The following ZNF217 variants were observed in gnomAD, a reference collection of about 807,000 sequenced individuals.
ZNF217 encodes the protein zinc finger protein 217.
ZNF217 carries 12 observed loss-of-function variants against 73.3 expected under a neutral mutation model. That is an observed-to-expected ratio of 0.16 (90% confidence interval 0.10 to 0.27). The LOEUF (loss-of-function observed/expected upper bound fraction) is 0.27. Among genes scored for constraint, ZNF217 ranks in the 10% least tolerant of loss-of-function variants. The probability of loss-of-function intolerance (pLI) is 1.00; values close to 1 mark genes in which losing one functional copy is unlikely to be tolerated. For missense variants in ZNF217, 1,195 were observed against 1,327.8 expected, an observed-to-expected ratio of 0.90 and a Z score of 1.55; for synonymous variants, 588 against 516.4, an observed-to-expected ratio of 1.14 and a Z score of -1.88.
At position 53,576,645 on chromosome 20, in the gene ZNF217, T is replaced by C; in HGVS notation, c.2119A>G (p.Ile707Val). The change falls in exon 4 of 6, where the codon ATT (isoleucine) becomes GTT (valine). Residue 707 changes from isoleucine (I) to valine (V), a missense_variant. Around this residue, in one of 9 missense-constraint regions of ZNF217, gnomAD observed 649 missense variants for 642.8 expected, o/e 1.01. Coordinates refer to ENST00000371471, the MANE Select transcript of ZNF217 (RefSeq NM_006526.3). ...CPAISLSKSL[I>V]PSITCPFCTF... is the part of the protein sequence containing the mutation. ...CAAAATGGACAGGTGATACTTGGAA[T>C]CAAACTTTTACTCAAAGAAATTGCC... 1 of 1,614,256 alleles carries C rather than the reference T, an allele frequency of 6.2e-7. No homozygotes were observed. The highest frequency in any genetic ancestry group is 1.7e-5 in the Admixed American group (1 of 60,032).
chr20:53,582,209 G>A lies in ZNF217; in HGVS notation c.618C>T (p.His206=), dbSNP rs1219230289. The part of the protein sequence containing the change: ...PATINEVVQV[H]AAESISSPYK... ...AAGGAGAGGAGATGCTCTCGGCCGC[G>A]TGCACCTGGACGACCTCGTTGATCG... The change falls in exon 2 of 6, where the codon CAC becomes CAT. Residue 206 remains histidine, a synonymous_variant. Transcript: ENST00000371471. The surrounding 1 kb of genome is among the most constrained non-coding windows in gnomAD (Gnocchi z 4.8). 3.7e-6 allele frequency: 6 copies of A among 1,613,944 alleles called. No individual in the cohort carries two copies. Among genetic ancestry groups the A allele is most frequent in the Non-Finnish European group, 5.1e-6 (6 of 1,180,054 alleles).
Position 53,569,092 on chromosome 20 carries a change from G to A in ZNF217, c.*196C>T. On this transcript the variant is annotated 3_prime_UTR_variant, in exon 6 of 6. Transcript: ENST00000371471. ...TTCCAACTAGTTTGTATTGCTATTT[G>A]GTACAAAAGTTAACAGAACAACTTT... 1 of 1,256,486 alleles carries A rather than the reference G, an allele frequency of 8.0e-7. No homozygotes were observed. The highest frequency in any genetic ancestry group is 1.0e-6 in the Non-Finnish European group (1 of 967,782). The allele number at this position is 1,256,486 out of a possible 1,614,324, so 77.8% of individuals were successfully genotyped here.
intron 1 of ZNF217, among the ~76,000 whole-genome samples, chr20:53,592,605 T>A (rs1261356648): frequency 1.4e-5 from 2 of 138,324 alleles, no homozygotes; most frequent in Non-Finnish European, 3.1e-5. Context: ...CCTGAACATC[T>A]TCTCAAACTC....
chr20:53,579,159 T>G (rs1160165497), intron 2 of ZNF217, among the ~76,000 whole-genome samples: 1 of 152,172 alleles, frequency 6.6e-6, no homozygotes, highest in Non-Finnish European at 1.5e-5. Context: ...GGACAATGTG[T>G]CTCACGTGCA....
At chr20:53,597,083 C>CA (rs11483077), upstream of ZNF217, among the ~76,000 whole-genome samples, 91,798 of 120,728 alleles carry the variant, frequency 0.76, 32,781 homozygotes, top group East Asian at 0.86. Flanking sequence ...AGTAACATAA[C>CA]AAAAAAAAAA....
At chr20:53,588,181 T>C (rs1988760387) in intron 1 of ZNF217, among the ~76,000 whole-genome samples, 1 of 152,068 alleles carries the variant, frequency 6.6e-6, no homozygotes, top group East Asian at 1.9e-4. Flanking sequence ...ATATAGCATA[T>C]TTGAGTGTCA....
At position 53,590,794 on chromosome 20, in the gene ZNF217, T is replaced by C. The variant is rs565663499; in HGVS notation, c.-343+2962A>G. On this transcript the variant is annotated intron_variant, in intron 1 of 5. Coordinates refer to ENST00000371471, the MANE Select transcript of ZNF217 (RefSeq NM_006526.3). ...TTAGCATGTATCTGCAATGAGGAGA[T>C]AGAAGGACTTAGTCATTGCCAGGCC... Among the ~76,000 whole-genome samples, 25 of 152,318 alleles carry C rather than the reference T, an allele frequency of 1.6e-4. No individual in the cohort carries two copies. In the East Asian group the frequency reaches 3.7e-3, roughly 22 times the overall value.
rs139374346 is a variant in ZNF217, at chr20:53,571,860, G to GA, written c.3038-8dup. 185,041 of 1,381,362 alleles carry GA rather than the reference G, an allele frequency of 0.13. 6,815 individuals are homozygous for GA. The highest frequency in any genetic ancestry group is 0.15 in the Non-Finnish European group (156,354 of 1,031,076). 85.6% of individuals were successfully genotyped at this position (1,381,362 alleles called of 1,614,324 possible). ...TATGACACAGGCCTTTTTCCTGATTGAAAAAAAAAACATATTTAGAGTTAA... is the reference window on the plus strand; with the variant it reads ...TATGACACAGGCCTTTTTCCTGATTGAAAAAAAAAAACATATTTAGAGTTAA... On this transcript the variant is annotated splice_polypyrimidine_tract_variant and splice_region_variant and intron_variant, in intron 4 of 5. Transcript: ENST00000371471.
chr20:53,591,277 G>T (rs1377921830), intron 1 of ZNF217, among the ~76,000 whole-genome samples: 1 of 152,132 alleles, frequency 6.6e-6, no homozygotes, highest in African/African-American at 2.4e-5. Context: ...GAAGACAAAA[G>T]GATTAAAAGA....
At chr20:53,571,258 T>C (rs1243934153) in intron 5 of ZNF217, among the ~76,000 whole-genome samples, 1 of 152,200 alleles carries the variant, frequency 6.6e-6, no homozygotes, top group Non-Finnish European at 1.5e-5. Flanking sequence ...ACTGTTTTCC[T>C]ATTATCTTCA....
intron 3 of ZNF217, among the ~76,000 whole-genome samples, 192 bp from the exon 4 acceptor site, chr20:53,577,472 A>G (rs903702712): frequency 6.6e-6 from 1 of 152,240 alleles, no homozygotes; most frequent in African/African-American, 2.4e-5. Context: ...CCTATCTTCA[A>G]TAGAAAAATT....
chr20:53,570,072 G>C (rs543592384), intron 5 of ZNF217, among the ~76,000 whole-genome samples: 22 of 152,282 alleles, frequency 1.4e-4, no homozygotes, highest in Admixed American at 5.9e-4. Context: ...CTCCCAGAGA[G>C]ACACCAGCTC....
At chr20:53,590,321 T>C (rs1166945940) in intron 1 of ZNF217, among the ~76,000 whole-genome samples, 1 of 152,170 alleles carries the variant, frequency 6.6e-6, no homozygotes, top group South Asian at 2.1e-4. Context: ...AATGGGAAAT[T>C]AGGAAGGAAC....
chr20:53,582,865 A>G lies in ZNF217; in HGVS notation c.-39T>C. 2 of 1,558,678 alleles carry G rather than the reference A, an allele frequency of 1.3e-6. No homozygotes were observed. The highest frequency in any genetic ancestry group is 2.5e-5 in the South Asian group (2 of 81,306). ...TCCGTTGGGCAATTTCTGGAGTTGGAATAAGGCCACTTGTAAGACTTGTCA... is the reference window on the plus strand; with the variant it reads ...TCCGTTGGGCAATTTCTGGAGTTGGGATAAGGCCACTTGTAAGACTTGTCA... On this transcript the variant is annotated 5_prime_UTR_variant, in exon 2 of 6. Coordinates refer to ENST00000371471, the MANE Select transcript of ZNF217 (RefSeq NM_006526.3). The surrounding 1 kb of genome is among the most constrained non-coding windows in gnomAD (Gnocchi z 4.8).
chr20:53,586,430 A>C (rs746170200), intron 1 of ZNF217, among the ~76,000 whole-genome samples: 4 of 152,112 alleles, frequency 2.6e-5, no homozygotes, highest in Non-Finnish European at 5.9e-5. Flanking sequence ...AATCGTATTT[A>C]ATCACACCAT....
chr20:53,582,019 T>G lies in ZNF217; in HGVS notation c.808A>C (p.Asn270His). 6.2e-7 allele frequency: 1 copy of G among 1,614,248 alleles called. No individual in the cohort carries two copies. Among genetic ancestry groups the G allele is most frequent in the African/African-American group, 1.3e-5 (1 of 75,064 alleles). ...SSREDFLQLF[N>H]LRPKSHPETG... Reference sequence around the variant, plus strand: ...TCAGGGTGAGATTTTGGTCTCAAGTTGAACAACTGCAGGAAGTCCTCCCTC... The same window carrying G: ...TCAGGGTGAGATTTTGGTCTCAAGTGGAACAACTGCAGGAAGTCCTCCCTC... The change falls in exon 2 of 6, where the codon AAC (asparagine) becomes CAC (histidine). Residue 270 changes from asparagine to histidine, a missense_variant. Around this residue, in one of 9 missense-constraint regions of ZNF217, gnomAD observed 126 missense variants for 114.4 expected, o/e 1.10. Coordinates refer to ENST00000371471, the MANE Select transcript of ZNF217 (RefSeq NM_006526.3). The surrounding 1 kb of genome is among the most constrained non-coding windows in gnomAD (Gnocchi z 4.8).
intron 1 of ZNF217, among the ~76,000 whole-genome samples, chr20:53,586,283 A>G (rs1988689595): frequency 6.6e-6 from 1 of 152,200 alleles, no homozygotes. Context: ...ACGTTTGGCC[A>G]CAGTCACTAA....
chr20:53,569,023 A>G lies in ZNF217; in HGVS notation c.*265T>C, dbSNP rs948356021. On this transcript the variant is annotated 3_prime_UTR_variant, in exon 6 of 6. Transcript: ENST00000371471. ...ATTCTAAGAAAAATATTATTCAGGG[A>G]CAAAATAGAGATTTCCAGTCCCCAT... 2.6e-5 allele frequency: 23 copies of G among 895,336 alleles called. No homozygotes were observed. Among genetic ancestry groups the G allele is most frequent in the Non-Finnish European group, 3.2e-5 (23 of 723,014 alleles). The allele number at this position is 895,336 out of a possible 1,614,324, so 55.5% of individuals were successfully genotyped here. A position where few individuals can be genotyped will look rare whatever the true frequency, so the allele number is the denominator to read the frequency against.
rs777521838 is a variant in ZNF217 at position 53,582,419 on chromosome 20, T to C, written c.408A>G (p.Thr136=). 4.3e-6 allele frequency: 7 copies of C among 1,614,246 alleles called. No homozygotes were observed. The South Asian group carries it at 6.6e-5, about 15-fold the overall frequency. Residue 136 remains threonine (T), a synonymous_variant, in exon 2 of 6, where the codon ACA becomes ACG. Transcript: ENST00000371471. This position sits in a 1 kb window ranked among gnomAD's most constrained non-coding sequence, Gnocchi z 4.8. ...TCTCAACATCAAAAGCGACTCTAAA[T>C]GTCTGCCCACATACCTCACAGCTAA... is the stretch of plus-strand genomic sequence containing the variant. ...NEFSCEVCGQ[T]FRVAFDVEIH...
Sources: gnomAD v4.1 joint callset for allele counts (sites outside exome capture counted in the v4.1 genomes callset) on GRCh38, gnomAD v4.1.1 for gene constraint, gnomAD v4.1.1 regional missense constraint, Gnocchi (gnomAD v3.1) non-coding constraint, MANE v1.5 for transcripts, NCBI Gene and HGNC (gene_info 2026-07-23, HGNC 2026-07-21) for gene names.